The following RGS21 variants were observed in gnomAD, a reference collection of about 807,000 sequenced individuals.
RGS21 encodes regulator of G protein signaling 21.
In RGS21, 19 loss-of-function variants were observed where a neutral mutation model predicts 18.7. The ratio of observed to expected loss-of-function variants is 1.01; its 90% CI spans 0.71 to 1.49. The LOEUF (loss-of-function observed/expected upper bound fraction) is 1.49. RGS21 is among the 40% of genes most tolerant of loss of function. The probability of loss-of-function intolerance (pLI) is 0.00; values close to 1 mark genes in which losing one functional copy is unlikely to be tolerated. For synonymous variants in RGS21, 56 were observed against 57.8 expected (o/e 0.97, Z 0.14); for missense variants, 194 against 176.8 (o/e 1.10, Z -0.55).
At chr1:192,346,251 T>A (rs181320571) in intron 2 of RGS21, among the ~76,000 whole-genome samples, 16 of 152,110 alleles carry the variant, frequency 1.1e-4, no homozygotes, top group South Asian at 2.1e-4. Flanking sequence ...GTACAATCAA[T>A]CCTAGCAAAA....
Position 192,354,286 on chromosome 1 carries a change from G to A in RGS21, c.255+2073G>A, listed in dbSNP as rs552229410. On this transcript the variant is annotated intron_variant, in intron 4 of 4. Coordinates refer to ENST00000417209, the MANE Select transcript of RGS21 (RefSeq NM_001039152.3). Reference sequence around the variant, plus strand: ...TTCATTTAAAGTTCATTATTAGCACGGTAGGAAAGAGTGATTTAATCTACC... The same window carrying A: ...TTCATTTAAAGTTCATTATTAGCACAGTAGGAAAGAGTGATTTAATCTACC... 5.9e-5 allele frequency among the ~76,000 whole-genome samples: 9 copies of A among 151,744 alleles called. No individual in the cohort carries two copies. The South Asian group carries it at 1.7e-3, about 28-fold the overall frequency.
chr1:192,342,609 A>G (rs1658888209), intron 1 of RGS21, among the ~76,000 whole-genome samples: 1 of 151,774 alleles, frequency 6.6e-6, no homozygotes, highest in Non-Finnish European at 1.5e-5. Flanking sequence ...AAACAAAATG[A>G]TCTCTTAGGC....
chr1:192,366,107 T>C lies in RGS21; in HGVS notation c.442T>C (p.Trp148Arg), dbSNP rs1402350955. 1 of 1,601,058 alleles carries C rather than the reference T, an allele frequency of 6.2e-7. No homozygotes were observed. Among genetic ancestry groups the C allele is most frequent in the Non-Finnish European group, 8.5e-7 (1 of 1,173,368 alleles). The change falls in exon 5 of 5, where the codon TGG (tryptophan) becomes CGG (arginine). Residue 148 changes from tryptophan to arginine, a missense_variant. Physicochemically the swap from Trp to Arg is moderately radical, Grantham distance 101. Coordinates refer to ENST00000417209, the MANE Select transcript of RGS21 (RefSeq NM_001039152.3). Reference sequence around the variant, plus strand: ...CCAACAGGTTCCAAATCATAAAAAATGGCTCCCTTTTTTGTGAGGAAGGTA... The same window carrying C: ...CCAACAGGTTCCAAATCATAAAAAACGGCTCCCTTTTTTGTGAGGAAGGTA... ...NSQQVPNHKK[W>R]LPFL
intron 1 of RGS21, among the ~76,000 whole-genome samples, chr1:192,320,419 G>A (rs192412830): frequency 2.0e-4 from 30 of 152,138 alleles, no homozygotes; most frequent in Non-Finnish European, 3.7e-4. Context: ...TGGCATGGGA[G>A]GTTGAGAATC....
At chr1:192,334,112 T>C (rs867441459) in intron 1 of RGS21, among the ~76,000 whole-genome samples, 2 of 152,216 alleles carry the variant, frequency 1.3e-5, no homozygotes, top group African/African-American at 4.8e-5. Context: ...TCTTTGGGTC[T>C]GCATGCCTTT....
intron 4 of RGS21, among the ~76,000 whole-genome samples, chr1:192,360,070 T>C (rs931020114): frequency 6.6e-6 from 1 of 152,018 alleles, no homozygotes; most frequent in Admixed American, 6.6e-5. Context: ...TGTATTATAA[T>C]GAGAAGAGAC....
chr1:192,343,393 T>C (rs1333974539), intron 2 of RGS21, among the ~76,000 whole-genome samples: 2 of 152,096 alleles, frequency 1.3e-5, no homozygotes, highest in African/African-American at 4.8e-5. Flanking sequence ...AAATTTTACA[T>C]GGATATTAAA....
At position 192,330,637 on chromosome 1, in the gene RGS21, T is replaced by C. The variant is rs967284504; in HGVS notation, c.-60-12340T>C. Among the ~76,000 whole-genome samples, 5 of 152,254 alleles carry C rather than the reference T, an allele frequency of 3.3e-5. No homozygotes were observed. In the South Asian group the frequency reaches 8.3e-4, roughly 25 times the overall value. On this transcript the variant is annotated intron_variant, in intron 1 of 4. Transcript: ENST00000417209. ...GTAGGATGGATTGGAAGGAGAACAA[T>C]CTGGAGACAGTACAATTAGTTAAGA...
At chr1:192,343,105 G>A in intron 2 of RGS21, 58 bp downstream of exon 2, 1 of 1,501,610 alleles carries the variant, frequency 6.7e-7, no homozygotes, top group Non-Finnish European at 9.3e-7. Flanking sequence ...AAACACTTGA[G>A]TCTTCTTTTA....
At chr1:192,325,136 A>G (rs1658550966) in intron 1 of RGS21, among the ~76,000 whole-genome samples, 1 of 152,092 alleles carries the variant, frequency 6.6e-6, no homozygotes, top group Non-Finnish European at 1.5e-5. Context: ...TAGTGAGCAT[A>G]GTACCCAATA....
At chr1:192,317,817 TAAGTA>T (rs897548309) in intron 1 of RGS21, among the ~76,000 whole-genome samples, 9 of 152,152 alleles carry the variant, frequency 5.9e-5, no homozygotes, top group Non-Finnish European at 1.0e-4. Flanking sequence ...CATGTCACTC[TAAGTA>T]AAGTCTTATT....
intron 1 of RGS21, among the ~76,000 whole-genome samples, chr1:192,328,923 C>T (rs756890479): frequency 6.6e-6 from 1 of 152,036 alleles, no homozygotes; most frequent in Non-Finnish European, 1.5e-5. Context: ...AAGTCTCATA[C>T]ATTCACATGG....
rs533453174 is a variant in RGS21 at position 192,337,240 on chromosome 1, C to T, written c.-60-5737C>T. Among the ~76,000 whole-genome samples the T allele has an allele frequency of 3.3e-5, 5 of 151,952 alleles. No individual in the cohort carries two copies. The South Asian group carries it at 1.0e-3, about 31-fold the overall frequency. ...TCAAATATTGTACGTTTTTGAAATG[C>T]TAGAATTTACAAGGAATCATTCCTC... On this transcript the variant is annotated intron_variant, in intron 1 of 4. Transcript: ENST00000417209.
intron 1 of RGS21, among the ~76,000 whole-genome samples, chr1:192,337,762 A>G (rs1658792557): frequency 6.6e-6 from 1 of 152,176 alleles, no homozygotes; most frequent in Non-Finnish European, 1.5e-5. Context: ...GTGGATTTAA[A>G]CATTCTCTAC....
At chr1:192,364,249 T>C (rs1659224621) in intron 4 of RGS21, among the ~76,000 whole-genome samples, 1 of 152,112 alleles carries the variant, frequency 6.6e-6, no homozygotes. Flanking sequence ...TGGCACTTGT[T>C]CTGGAACTTT....
chr1:192,345,288 T>C (rs1658930013), intron 2 of RGS21, among the ~76,000 whole-genome samples: 1 of 152,118 alleles, frequency 6.6e-6, no homozygotes, highest in African/African-American at 2.4e-5. Context: ...ATGAGGTCCA[T>C]GATGATTCAG....
At chr1:192,320,257 AC>A (rs201402104) in intron 1 of RGS21, among the ~76,000 whole-genome samples, 1,758 of 152,182 alleles carry the variant, frequency 0.012, 21 homozygotes, top group Middle Eastern at 0.061. Flanking sequence ...TATCTAACAT[AC>A]CTGCACTTGT....
At chr1:192,327,560 C>A (rs1166964192) in intron 1 of RGS21, among the ~76,000 whole-genome samples, 2 of 151,974 alleles carry the variant, frequency 1.3e-5, no homozygotes, top group African/African-American at 4.8e-5. Context: ...GCAACCTTCA[C>A]CTCCTAAATT....
In RGS21 at chr1:192,352,069, A is replaced by G; in HGVS notation, c.111A>G (p.Ile37Met). ...TAGCTGGTCTAGATGCTTTTCGAAT[A>G]TTTCTAAAATCAGAGTTTAGTGAAG... ...ANQAGLDAFRIFLKSEFSEEN... is the reference protein window; with the variant it reads ...ANQAGLDAFRMFLKSEFSEEN... The change falls in exon 4 of 5, where the codon ATA becomes ATG. Residue 37 changes from isoleucine (I) to methionine (M), a missense_variant. Ile to Met is a conservative substitution (Grantham distance 10). Coordinates refer to ENST00000417209, the MANE Select transcript of RGS21 (RefSeq NM_001039152.3). 3 of 1,598,694 alleles carry G rather than the reference A, an allele frequency of 1.9e-6. No homozygotes were observed. Among genetic ancestry groups the G allele is most frequent in the Non-Finnish European group, 2.6e-6 (3 of 1,174,264 alleles).
Sources: gnomAD v4.1 joint callset for allele counts (sites outside exome capture counted in the v4.1 genomes callset) on GRCh38, gnomAD v4.1.1 for gene constraint, MANE v1.5 for transcripts, NCBI Gene and HGNC (gene_info 2026-07-23, HGNC 2026-07-21) for gene names.